OTOG: variants seen among roughly 807,000 people sequenced by gnomAD.
OTOG encodes the protein otogelin.
In OTOG, 296 loss-of-function variants were observed where a neutral mutation model predicts 313.8. The ratio of observed to expected loss-of-function variants is 0.94; its 90% CI spans 0.86 to 1.04. The LOEUF is 1.04. Ranked by LOEUF, OTOG falls within the 50% of genes least tolerant of loss-of-function variation. The probability of loss-of-function intolerance (pLI) is 0.00; values close to 1 mark genes in which losing one functional copy is unlikely to be tolerated. For synonymous variants in OTOG, 1,533 were observed against 1,554.9 expected, an observed-to-expected ratio of 0.99 and a Z score of 0.33; for missense variants, 3,948 against 3,840.1, an observed-to-expected ratio of 1.03 and a Z score of -0.74.
In OTOG at chr11:17,610,994, A is replaced by G. The variant is rs573436885; in HGVS notation, c.5694A>G (p.Val1898=). The change falls in exon 36 of 56, where the codon GTA becomes GTG. Residue 1898 remains valine, a synonymous_variant. Coordinates refer to ENST00000399397, the MANE Select transcript of OTOG (RefSeq NM_001292063.2). The part of the protein sequence containing the change: ...LPVAEGTASM[V]SVVPRKSTTG... ...TGGCTGAGGGCACGGCCTCCATGGTATCTGTTGTCCCACGAAAGAGCACCA... is the reference window on the plus strand; with the variant it reads ...TGGCTGAGGGCACGGCCTCCATGGTGTCTGTTGTCCCACGAAAGAGCACCA... 4.0e-4 allele frequency: 622 copies of G among 1,550,440 alleles called. 7 individuals are homozygous for G. The African/African-American group carries it at 7.9e-3, about 20-fold the overall frequency.
intron 54 of OTOG, among the ~76,000 whole-genome samples, chr11:17,645,069 G>T (rs996277082): frequency 1.1e-4 from 17 of 152,224 alleles, no homozygotes; most frequent in Non-Finnish European, 2.2e-4. Flanking sequence ...GGTCCAGTTT[G>T]ATAGCTATGG....
intron 14 of OTOG, 112 bp from the exon 15 acceptor site, chr11:17,561,550 C>T (rs1028974726): frequency 3.5e-6 from 4 of 1,155,120 alleles, no homozygotes; most frequent in Admixed American, 4.1e-5. Context: ...ATTCCTTATA[C>T]TGCTCTTATT....
chr11:17,567,241 AAAG>A lies in OTOG; in HGVS notation c.1645-1910_1645-1908del, dbSNP rs1852309369. 1.3e-5 allele frequency among the ~76,000 whole-genome samples: 2 copies of A among 152,236 alleles called. 1 individual carries two copies. Among genetic ancestry groups the A allele is most frequent in the Non-Finnish European group, 2.9e-5 (2 of 68,046 alleles). ...GGACTAGAGGATGAGTGGGTTGAACAAAGAAGATGATGTTTTAGATACAATGAT... is the reference window on the plus strand; with the variant it reads ...GGACTAGAGGATGAGTGGGTTGAACAAAGATGATGTTTTAGATACAATGAT... On this transcript the variant is annotated intron_variant, in intron 15 of 55. Transcript: ENST00000399397.
At chr11:17,552,615 T>TGTGTCTCCCACCTGTCCTGTGTCCC (rs1454853324) in intron 4 of OTOG, among the ~76,000 whole-genome samples, 1 of 150,930 alleles carries the variant, frequency 6.6e-6, no homozygotes, top group African/African-American at 2.4e-5. Flanking sequence ...CCACCTGTCC[T>TGTGTCTCCCACCTGTCCTGTGTCCC]CTCACATCAT....
At chr11:17,548,418 C>CTTTTTTTTT (rs56402246) in intron 3 of OTOG, among the ~76,000 whole-genome samples, 12 of 87,626 alleles carry the variant, frequency 1.4e-4, no homozygotes, top group African/African-American at 3.3e-4. Flanking sequence ...ATAGTCCACT[C>CTTTTTTTTT]TTTTTTTTTT....
rs766948070 is a variant in OTOG at position 17,629,274 on chromosome 11, G to C, written c.6670G>C (p.Glu2224Gln). 17 of 1,550,480 alleles carry C rather than the reference G, an allele frequency of 1.1e-5. No individual in the cohort carries two copies. Among genetic ancestry groups the C allele is most frequent in the Non-Finnish European group, 1.4e-5 (16 of 1,147,006 alleles). Reference protein sequence around the residue: ...WLHSSGLMIVEASKTSKAQGH... With the variant: ...WLHSSGLMIVQASKTSKAQGH... ...CCACAGCTCAGGACTCATGATCGTG[G>C]AGGCCAGCAAAACCAGCAAGGCCCA... is the stretch of plus-strand genomic sequence containing the variant. Residue 2224 changes from glutamate to glutamine, a missense_variant, in exon 40 of 56, where the codon GAG becomes CAG. Glu to Gln is a conservative substitution (Grantham distance 29, BLOSUM62 2). Coordinates refer to ENST00000399397, the MANE Select transcript of OTOG (RefSeq NM_001292063.2).
At chr11:17,596,016 C>G (rs1454948942) in intron 28 of OTOG, 22 bp from the exon 29 acceptor site, 4 of 1,518,596 alleles carry the variant, frequency 2.6e-6, no homozygotes, top group Admixed American at 2.0e-5. Context: ...GGGAGGTCAA[C>G]AGCCCTGCCT....
Position 17,555,803 on chromosome 11 carries a change from T to A in OTOG, c.565T>A (p.Ser189Thr). The change falls in exon 7 of 56, where the codon TCT becomes ACT. Residue 189 changes from serine to threonine, a missense_variant. Ser to Thr is a moderately conservative substitution (Grantham distance 58). Coordinates refer to ENST00000399397, the MANE Select transcript of OTOG (RefSeq NM_001292063.2). ...IQVHNDPQCG[S>T]SPYTCSRAVS... ...GGTACACAATGACCCGCAGTGTGGC[T>A]CTTCACCCTACACCTGCTCCAGGGC... 6.4e-7 allele frequency: 1 copy of A among 1,550,622 alleles called. No homozygotes were observed. Among genetic ancestry groups the A allele is most frequent in the Non-Finnish European group, 8.7e-7 (1 of 1,146,998 alleles).
At chr11:17,569,016 T>G in intron 15 of OTOG, 140 bp from the exon 16 acceptor site, 3 of 1,030,176 alleles carry the variant, frequency 2.9e-6, no homozygotes, top group Non-Finnish European at 4.2e-6. Flanking sequence ...GGATGATCCC[T>G]GATATCTTTG....
chr11:17,625,910 C>G (rs1853973473), intron 39 of OTOG, among the ~76,000 whole-genome samples: 1 of 152,088 alleles, frequency 6.6e-6, no homozygotes, highest in Non-Finnish European at 1.5e-5. Flanking sequence ...CCAGTGCTTT[C>G]TTGTAGTGGT....
intron 23 of OTOG, among the ~76,000 whole-genome samples, chr11:17,586,116 C>A (rs962425768): frequency 1.3e-5 from 2 of 152,140 alleles, no homozygotes; most frequent in Non-Finnish European, 2.9e-5. Context: ...CCATGAACAA[C>A]CTGGGTAGGA....
chr11:17,646,010 A>G lies in OTOG; in HGVS notation c.*66A>G, dbSNP rs1182099239. On this transcript the variant is annotated 3_prime_UTR_variant, in exon 56 of 56. Coordinates refer to ENST00000399397, the MANE Select transcript of OTOG (RefSeq NM_001292063.2). ...CCACTTTCTGTTTCCAGCTGGCCCA[A>G]TGTGAATGGGGGTATTAAAGGTGGT... 1.2e-5 allele frequency: 17 copies of G among 1,460,498 alleles called. No homozygotes were observed. The highest frequency in any genetic ancestry group is 2.8e-5 in the African/African-American group (2 of 71,240). 90.5% of individuals were successfully genotyped at this position (1,460,498 alleles called of 1,614,324 possible).
At position 17,612,268 on chromosome 11, in the gene OTOG, G is replaced by C. The variant is rs958183727; in HGVS notation, c.6230G>C (p.Gly2077Ala). The change falls in exon 37 of 56, where the codon GGG (glycine) becomes GCG (alanine). Residue 2077 changes from glycine to alanine, a missense_variant. Coordinates refer to ENST00000399397, the MANE Select transcript of OTOG (RefSeq NM_001292063.2). ...CPQGAAPPRC[G>A]ILGLAVRVGG... The stretch of plus-strand genomic sequence containing the variant: ...CAGGGTGCTGCTCCCCCTCGCTGTG[G>C]GATCCTGGGCCTCGCCGTGCGGGTG... The C allele has an allele frequency of 1.3e-6, 2 of 1,545,618 alleles. No individual in the cohort carries two copies. The highest frequency in any genetic ancestry group is 2.7e-5 in the African/African-American group (2 of 73,030).
intron 3 of OTOG, among the ~76,000 whole-genome samples, chr11:17,551,798 T>G (rs547060464): frequency 5.5e-4 from 83 of 152,222 alleles, no homozygotes; most frequent in Middle Eastern, 3.4e-3. Flanking sequence ...TAAGCCTTTG[T>G]TCCTCTGAGC....
chr11:17,558,404 G>A (rs141443915), intron 9 of OTOG, 89 bp downstream of exon 9: 6 of 1,521,860 alleles, frequency 3.9e-6, no homozygotes, highest in East Asian at 2.5e-5. Flanking sequence ...ACCCCAGAAT[G>A]TCTGGTGCCC....
intron 25 of OTOG, among the ~76,000 whole-genome samples, chr11:17,592,166 G>A (rs1852960369): frequency 6.6e-6 from 1 of 152,166 alleles, no homozygotes; most frequent in Non-Finnish European, 1.5e-5. Flanking sequence ...AGTGAAGGCA[G>A]GATCCCTACC....
At chr11:17,575,247 A>G (rs769500416) in intron 20 of OTOG, among the ~76,000 whole-genome samples, 1 of 152,232 alleles carries the variant, frequency 6.6e-6, no homozygotes, top group East Asian at 1.9e-4. Flanking sequence ...GGGCTTGGGA[A>G]TTCAGCAATG....
At position 17,572,181 on chromosome 11, in the gene OTOG, C is replaced by T. The variant is rs1356367350; in HGVS notation, c.2057C>T (p.Pro686Leu). 6.4e-7 allele frequency: 1 copy of T among 1,550,410 alleles called. No individual in the cohort carries two copies. The highest frequency in any genetic ancestry group is 2.0e-5 in the Admixed American group (1 of 50,976). Residue 686 changes from proline to leucine, a missense_variant, in exon 18 of 56, where the codon CCC becomes CTC. Coordinates refer to ENST00000399397, the MANE Select transcript of OTOG (RefSeq NM_001292063.2). ...SPLVSGSPLD[P>L]CDVHLQAASY... ...CTGGTCTCTGGCTCCCCTCTGGACCCCTGCGATGTGCACCTGCAAGCCGGT... is the reference window on the plus strand; with the variant it reads ...CTGGTCTCTGGCTCCCCTCTGGACCTCTGCGATGTGCACCTGCAAGCCGGT...
Position 17,582,036 on chromosome 11 carries a change from T to C in OTOG, c.2759+3510T>C, listed in dbSNP as rs7927132. ...TTTTTCTATCCCGGTAGTATTCCAT[T>C]GTATGAATATACAATTATTTATCTG... On this transcript the variant is annotated intron_variant, in intron 23 of 55. Transcript: ENST00000399397. 8.2e-3 allele frequency among the ~76,000 whole-genome samples: 1,251 copies of C among 152,318 alleles called. 14 individuals are homozygous for C. The highest frequency in any genetic ancestry group is 0.029 in the African/African-American group (1,197 of 41,568).
Sources: gnomAD v4.1 joint callset for allele counts (sites outside exome capture counted in the v4.1 genomes callset) on GRCh38, gnomAD v4.1.1 for gene constraint, MANE v1.5 for transcripts, NCBI Gene and HGNC (gene_info 2026-07-23, HGNC 2026-07-21) for gene names.